Variants in WHRN observed in about 807,000 individuals in gnomAD.
The protein encoded by WHRN is whirlin.
In WHRN, 41 loss-of-function variants were observed where a neutral mutation model predicts 68.3. That is an observed-to-expected ratio of 0.60 (90% CI 0.47 to 0.78). The LOEUF (loss-of-function observed/expected upper bound fraction) is 0.78. WHRN is among the 30% of genes least tolerant of loss of function. The pLI is 0.00. For synonymous variants in WHRN, 560 were observed against 561.3 expected (o/e 1.00, Z 0.03); for missense variants, 1,243 against 1,244.7 (o/e 1.00, Z 0.02).
chr9:114,426,229 G>A lies in WHRN; in HGVS notation c.1148C>T (p.Thr383Ile). The A allele has an allele frequency of 6.2e-7, 1 of 1,612,394 alleles. No individual in the cohort carries two copies. The highest frequency in any genetic ancestry group is 8.5e-7 in the Non-Finnish European group (1 of 1,180,014). The change falls in exon 4 of 12, where the codon ACC becomes ATC. Residue 383 changes from threonine to isoleucine, a missense_variant. Physicochemically the swap from Thr to Ile is moderately conservative, Grantham distance 89. Transcript: ENST00000362057. Reference sequence around the variant, plus strand: ...GCCAGACCCTGCCGAGTTCGCCATGGTCTCCCTGATCCGGGAACTGGCGAT... The same window carrying A: ...GCCAGACCCTGCCGAGTTCGCCATGATCTCCCTGATCCGGGAACTGGCGAT... The part of the protein sequence containing the change: ...KWIASSRIRE[T>I]MANSAGFLGD...
At chr9:114,444,095 A>G (rs1006883575) in intron 3 of WHRN, among the ~76,000 whole-genome samples, 7 of 152,196 alleles carry the variant, frequency 4.6e-5, no homozygotes, top group Non-Finnish European at 7.3e-5. Context: ...TGGGAGTACA[A>G]TTCAAGACGA....
chr9:114,411,131 A>G (rs1006010321), intron 7 of WHRN, among the ~76,000 whole-genome samples: 2 of 152,330 alleles, frequency 1.3e-5, no homozygotes, highest in East Asian at 3.9e-4. Flanking sequence ...TGCCCCAGCA[A>G]GAGAATGAAC....
intron 3 of WHRN, among the ~76,000 whole-genome samples, chr9:114,446,311 G>A (rs1838816394): frequency 6.6e-6 from 1 of 152,024 alleles, no homozygotes; most frequent in Non-Finnish European, 1.5e-5. Flanking sequence ...GAGACAGAAA[G>A]CAGATTAGTA....
chr9:114,499,045 G>A (rs563903437), intron 1 of WHRN, among the ~76,000 whole-genome samples: 6 of 152,306 alleles, frequency 3.9e-5, no homozygotes, highest in Middle Eastern at 3.4e-3. Context: ...TAATGGGGGC[G>A]GCTAGCATGT....
intron 3 of WHRN, among the ~76,000 whole-genome samples, chr9:114,451,551 G>A (rs530685489): frequency 8.5e-5 from 13 of 152,150 alleles, no homozygotes; most frequent in African/African-American, 2.9e-4. Flanking sequence ...GGGTGTGTGC[G>A]CATGAACGCA....
chr9:114,447,422 T>A (rs1232175318), intron 3 of WHRN, among the ~76,000 whole-genome samples: 7 of 152,184 alleles, frequency 4.6e-5, no homozygotes, highest in Non-Finnish European at 1.0e-4. Flanking sequence ...AGGACTGATA[T>A]ATACAAAGTG....
At chr9:114,445,143 G>A (rs2132635858) in intron 3 of WHRN, among the ~76,000 whole-genome samples, 1 of 152,104 alleles carries the variant, frequency 6.6e-6, no homozygotes, top group South Asian at 2.1e-4. Flanking sequence ...TTGGGTTCAA[G>A]CGATTCTTGT....
At chr9:114,469,364 A>G (rs954825958) in intron 2 of WHRN, among the ~76,000 whole-genome samples, 2 of 152,218 alleles carry the variant, frequency 1.3e-5, no homozygotes, top group African/African-American at 4.8e-5. Flanking sequence ...CCAGAAGCTC[A>G]GGAGTCACCG....
At chr9:114,483,016 C>T (rs996467406) in intron 1 of WHRN, among the ~76,000 whole-genome samples, 2 of 152,194 alleles carry the variant, frequency 1.3e-5, no homozygotes, top group Non-Finnish European at 2.9e-5. Context: ...GGTCTCCTTC[C>T]CCTCTGCACC....
rs537192872 is a variant in WHRN, at chr9:114,414,729, G to A, written c.1627-6711C>T. 1.7e-3 allele frequency among the ~76,000 whole-genome samples: 259 copies of A among 152,360 alleles called. 2 individuals are homozygous for A. The highest frequency in any genetic ancestry group is 2.8e-3 in the Non-Finnish European group (189 of 68,028). On this transcript the variant is annotated intron_variant, in intron 7 of 11. Transcript: ENST00000362057. ...TGGTCCTATTCAGGCTCCAGGTAAA[G>A]CTGTGGCCGGCCTGAGAGGCTTTAA...
intron 7 of WHRN, among the ~76,000 whole-genome samples, chr9:114,410,966 T>C (rs1471708672): frequency 6.6e-6 from 1 of 152,208 alleles, no homozygotes; most frequent in East Asian, 1.9e-4. Context: ...TGAGTGATGG[T>C]AGGTAAATCC....
intron 2 of WHRN, among the ~76,000 whole-genome samples, chr9:114,470,754 G>A (rs891918853): frequency 6.6e-6 from 1 of 152,086 alleles, no homozygotes; most frequent in Non-Finnish European, 1.5e-5. Context: ...AGCCAGGCCC[G>A]GCCTGGGGTC....
At chr9:114,421,095 GA>G (rs1836243039) in intron 7 of WHRN, among the ~76,000 whole-genome samples, 1 of 152,112 alleles carries the variant, frequency 6.6e-6, no homozygotes, top group Non-Finnish European at 1.5e-5. Context: ...GAAACTTGGG[GA>G]AAACCTTTAG....
intron 1 of WHRN, among the ~76,000 whole-genome samples, chr9:114,485,943 G>C (rs1564215245): frequency 6.6e-6 from 1 of 152,160 alleles, no homozygotes; most frequent in Non-Finnish European, 1.5e-5. Context: ...GAGCCCAAAA[G>C]ATCGAGACTA....
At chr9:114,469,309 G>A (rs9657661) in intron 2 of WHRN, among the ~76,000 whole-genome samples, 2 of 152,330 alleles carry the variant, frequency 1.3e-5, no homozygotes, top group South Asian at 4.1e-4. Flanking sequence ...TCCATCTACA[G>A]GCTTTCGAGC....
chr9:114,452,372 G>A lies in WHRN; in HGVS notation c.963+13895C>T, dbSNP rs546566855. Among the ~76,000 whole-genome samples the A allele has an allele frequency of 3.9e-5, 6 of 152,342 alleles. No individual in the cohort carries two copies. The East Asian group carries it at 5.8e-4, about 15-fold the overall frequency. On this transcript the variant is annotated intron_variant, in intron 3 of 11. Coordinates refer to ENST00000362057, the MANE Select transcript of WHRN (RefSeq NM_015404.4). ...GCTGGCTGGCCGGCTGCCAAGGGGCGTCAGCCTGAGTTTCCATCACGCAAA... is the reference window on the plus strand; with the variant it reads ...GCTGGCTGGCCGGCTGCCAAGGGGCATCAGCCTGAGTTTCCATCACGCAAA...
chr9:114,453,258 G>C (rs1288344356), intron 3 of WHRN, among the ~76,000 whole-genome samples: 1 of 152,058 alleles, frequency 6.6e-6, no homozygotes, highest in Non-Finnish European at 1.5e-5. Context: ...GAGGTCCCAG[G>C]CTCTTTTAAA....
chr9:114,461,461 T>C (rs568419577), intron 3 of WHRN, among the ~76,000 whole-genome samples: 13 of 152,348 alleles, frequency 8.5e-5, no homozygotes, highest in African/African-American at 2.9e-4. Flanking sequence ...TCCACATTAA[T>C]AACTGCAGAT....
rs199879730 is a variant in WHRN, at chr9:114,504,167, C to G, written c.618+17G>C. 4 of 1,614,066 alleles carry G rather than the reference C, an allele frequency of 2.5e-6. No individual in the cohort carries two copies. Among genetic ancestry groups the G allele is most frequent in the East Asian group, 4.5e-5 (2 of 44,882 alleles). ...GTCCATACTCTGCCCCAGACTCTCT[C>G]CAAACCACAGCCTTACCTTGACGGC... On this transcript the variant is annotated intron_variant, in intron 1 of 11. Coordinates refer to ENST00000362057, the MANE Select transcript of WHRN (RefSeq NM_015404.4).
Sources: allele counts gnomAD v4.1 joint callset (sites outside exome capture counted in the v4.1 genomes callset), GRCh38; gene constraint gnomAD v4.1.1; transcripts MANE v1.5; gene names NCBI Gene and HGNC (gene_info 2026-07-23, HGNC 2026-07-21).